The following BARD1 variants were observed in gnomAD, a reference collection of about 807,000 sequenced individuals.
BARD1 encodes the protein BRCA1 associated RING domain 1.
BARD1 carries 73 observed loss-of-function variants against 77.0 expected under a neutral mutation model. That is an observed-to-expected ratio of 0.95 (90% CI 0.79 to 1.15). The LOEUF is 1.15. Among genes scored for constraint, BARD1 ranks in the 50% most tolerant of loss-of-function variants. BARD1 has a pLI of 0.00. For missense variants in BARD1, 993 were observed against 938.8 expected (o/e 1.06, Z -0.75); for synonymous variants, 384 against 338.0 (o/e 1.14, Z -1.49).
At chr2:214,791,444 C>G (rs2121285) in intron 3 of BARD1, among the ~76,000 whole-genome samples, 112,213 of 152,132 alleles carry the variant, frequency 0.74, 41,618 homozygotes, top group East Asian at 0.79. Context: ...GTCAAGAACA[C>G]GTTCTTCTAC....
chr2:214,755,186 A>C (rs896039866), intron 6 of BARD1, among the ~76,000 whole-genome samples: 4 of 152,236 alleles, frequency 2.6e-5, no homozygotes, highest in African/African-American at 9.6e-5. Flanking sequence ...AGGAACTATT[A>C]ACATGACTTA....
chr2:214,740,718 C>G (rs1692783988), intron 9 of BARD1, among the ~76,000 whole-genome samples: 1 of 152,070 alleles, frequency 6.6e-6, no homozygotes, highest in African/African-American at 2.4e-5. Context: ...ATATTCTCTA[C>G]TTCTTGCTGT....
In BARD1 at chr2:214,727,092, T is replaced by G. The variant is rs776912727; in HGVS notation, c.*1584A>C. 4.6e-6 allele frequency: 1 copy of G among 215,222 alleles called. No homozygotes were observed. The highest frequency in any genetic ancestry group is 2.2e-5 in the African/African-American group (1 of 44,450). The allele number at this position is 215,222 out of a possible 1,614,324, so 13.3% of individuals were successfully genotyped here. ...TTGGTGCTATGGTGTTCATTTTCTA[T>G]CAGAATGAAATGTGGGACAAATGCA... On this transcript the variant is annotated 3_prime_UTR_variant, in exon 11 of 11. Coordinates refer to ENST00000260947, the MANE Select transcript of BARD1 (RefSeq NM_000465.4).
chr2:214,797,134 A>G lies in BARD1; in HGVS notation c.159-17T>C, dbSNP rs766937585. On this transcript the variant is annotated splice_polypyrimidine_tract_variant and intron_variant, in intron 1 of 10. Coordinates refer to ENST00000260947, the MANE Select transcript of BARD1 (RefSeq NM_000465.4). ...ATGTTAGTACTGTTTGAAGAAATTA[A>G]AACAATCAAGATTTGAGTCATTGTT... 1.2e-6 allele frequency: 2 copies of G among 1,606,964 alleles called. No homozygotes were observed. The highest frequency in any genetic ancestry group is 2.7e-5 in the African/African-American group (2 of 74,832).
rs115560424 is a variant in BARD1, at chr2:214,754,004, A to G, written c.1569-1449T>C. ...TTTAAAACAAAGTGACACATGTCAC[A>G]GTATACATTTACAGCAGACAATCTC... On this transcript the variant is annotated intron_variant, in intron 6 of 10. Coordinates refer to ENST00000260947, the MANE Select transcript of BARD1 (RefSeq NM_000465.4). 4.2e-3 allele frequency among the ~76,000 whole-genome samples: 642 copies of G among 152,304 alleles called. 2 individuals are homozygous for G. The highest frequency in any genetic ancestry group is 0.014 in the African/African-American group (593 of 41,572).
At position 214,801,027 on chromosome 2, in the gene BARD1, G is replaced by C. The variant is rs187805985; in HGVS notation, c.159-3910C>G. On this transcript the variant is annotated intron_variant, in intron 1 of 10. Transcript: ENST00000260947. ...TTTGGAAATGTAGAGGTACATGCTT[G>C]TAAAACTAAAAAAAAGACAAAAGAT... Among the ~76,000 whole-genome samples, 12 of 152,260 alleles carry C rather than the reference G, an allele frequency of 7.9e-5. No homozygotes were observed. The East Asian group carries it at 2.3e-3, about 29-fold the overall frequency.
rs1559424172 is a variant in BARD1 at position 214,780,834 on chromosome 2, A to G, written c.1040T>C (p.Phe347Ser). The G allele has an allele frequency of 6.2e-7, 1 of 1,614,130 alleles. No individual in the cohort carries two copies. The highest frequency in any genetic ancestry group is 1.1e-5 in the South Asian group (1 of 91,082). ...RTSILSTSGD[F>S]VKQTVPSENI... ...TTCTGAGGGCACCGTTTGCTTAACA[A>G]AATCTCCACTGGTGCTCAGAATGCT... The change falls in exon 4 of 11, where the codon TTT (phenylalanine) becomes TCT (serine). Residue 347 changes from phenylalanine to serine, a missense_variant. Physicochemically the swap from Phe to Ser is radical, Grantham distance 155. Transcript: ENST00000260947.
intron 3 of BARD1, among the ~76,000 whole-genome samples, chr2:214,792,033 C>T (rs1695536400): frequency 6.6e-6 from 1 of 151,546 alleles, no homozygotes; most frequent in Non-Finnish European, 1.5e-5. Flanking sequence ...AAATGATCTT[C>T]CAAAAAACCA....
chr2:214,761,806 T>C (rs949835116), intron 6 of BARD1, among the ~76,000 whole-genome samples: 3 of 152,204 alleles, frequency 2.0e-5, no homozygotes, highest in Non-Finnish European at 2.9e-5. Context: ...TATAACTCTA[T>C]GGGTCAGTAC....
chr2:214,787,467 A>T (rs1256969440), intron 3 of BARD1, among the ~76,000 whole-genome samples: 1 of 151,910 alleles, frequency 6.6e-6, no homozygotes, highest in Non-Finnish European at 1.5e-5. Flanking sequence ...AATATCTAAG[A>T]TAATATTCTA....
Position 214,781,067 on chromosome 2 carries a change from A to G in BARD1, c.807T>C (p.Ser269=). 1 of 1,602,676 alleles carries G rather than the reference A, an allele frequency of 6.2e-7. No homozygotes were observed. Among genetic ancestry groups the G allele is most frequent in the Non-Finnish European group, 8.5e-7 (1 of 1,175,886 alleles). Residue 269 remains serine (S), a synonymous_variant, in exon 4 of 11, where the codon TCT becomes TCC. Transcript: ENST00000260947. ...DLLASGSLTE[S]ECFGSLTEVS... ...CTTCAGTTAAACTTCCAAAACATTCAGATTCTGTCAAGGAGCCACTTGCTA... is the reference window on the plus strand; with the variant it reads ...CTTCAGTTAAACTTCCAAAACATTCGGATTCTGTCAAGGAGCCACTTGCTA...
intron 3 of BARD1, among the ~76,000 whole-genome samples, chr2:214,791,798 T>C (rs1695525770): frequency 6.6e-6 from 1 of 152,172 alleles, no homozygotes; most frequent in East Asian, 1.9e-4. Flanking sequence ...CACTATTCCA[T>C]ATATATTCTG....
At chr2:214,731,172 GTC>G (rs1692340620) in intron 9 of BARD1, 1 of 222,676 alleles carries the variant, frequency 4.5e-6, no homozygotes, top group Admixed American at 5.0e-5. Context: ...GCTTGAGTAA[GTC>G]TGTTCACAGC....
chr2:214,729,105 T>A, intron 10 of BARD1, 97 bp from the exon 11 acceptor site: 1 of 1,335,882 alleles, frequency 7.5e-7, no homozygotes. Flanking sequence ...AAGTTGAATA[T>A]CCCTTACCTG....
At position 214,726,381 on chromosome 2, in the gene BARD1, A is replaced by C. The variant is rs1692084692; in HGVS notation, c.*2295T>G. ...AAAGCTACCAGCCTCTCACTTTTAG[A>C]GACACAAAGCAATCAGTGTGTAATT... On this transcript the variant is annotated 3_prime_UTR_variant, in exon 11 of 11. Transcript: ENST00000260947. 4.8e-6 allele frequency: 1 copy of C among 206,868 alleles called. No individual in the cohort carries two copies. Among genetic ancestry groups the C allele is most frequent in the Admixed American group, 5.9e-5 (1 of 16,858 alleles). 12.8% of individuals were successfully genotyped at this position (206,868 alleles called of 1,614,324 possible).
chr2:214,785,445 A>G (rs1695227824), intron 3 of BARD1, among the ~76,000 whole-genome samples: 4 of 152,080 alleles, frequency 2.6e-5, no homozygotes. Context: ...AGCCCAGCAC[A>G]GTGGTGAGCA....
chr2:214,745,622 C>T lies in BARD1; in HGVS notation c.1810+100G>A, dbSNP rs563313609. On this transcript the variant is annotated intron_variant, in intron 8 of 10. Transcript: ENST00000260947. ...AGATGCAAAGTATACAGCCATCTCC[C>T]AATGGTTAAAACATATGTAAATTAT... The T allele has an allele frequency of 3.1e-5, 46 of 1,462,278 alleles. No homozygotes were observed. In the African/African-American group the frequency reaches 6.1e-4, roughly 19 times the overall value. The allele number at this position is 1,462,278 out of a possible 1,614,324, so 90.6% of individuals were successfully genotyped here. A position where few individuals can be genotyped will look rare whatever the true frequency, so the allele number is the denominator to read the frequency against.
At chr2:214,760,870 GT>G (rs1379141809) in intron 6 of BARD1, among the ~76,000 whole-genome samples, 1 of 151,180 alleles carries the variant, frequency 6.6e-6, no homozygotes, top group East Asian at 2.0e-4. Context: ...CGCCTCCCGG[GT>G]TCACACCATT....
At chr2:214,788,269 T>G (rs1442604380) in intron 3 of BARD1, among the ~76,000 whole-genome samples, 1 of 151,918 alleles carries the variant, frequency 6.6e-6, no homozygotes, top group East Asian at 1.9e-4. Context: ...ATGATAGGGT[T>G]GAAGAGAAAA....
Sources: allele counts gnomAD v4.1 joint callset (sites outside exome capture counted in the v4.1 genomes callset), GRCh38; gene constraint gnomAD v4.1.1; transcripts MANE v1.5; gene names NCBI Gene and HGNC (gene_info 2026-07-23, HGNC 2026-07-21).